CCDC187: variants seen among roughly 807,000 people sequenced by gnomAD.
CCDC187 encodes coiled-coil domain-containing protein 187.
In CCDC187, 32 loss-of-function variants were observed where a neutral mutation model predicts 38.0. The ratio of observed to expected loss-of-function variants is 0.84; its 90% CI spans 0.64 to 1.13. The LOEUF (loss-of-function observed/expected upper bound fraction) is 1.13. Ranked by LOEUF, CCDC187 falls within the 50% of genes most tolerant of loss-of-function variation. The pLI is 0.00. For missense variants in CCDC187, 707 were observed against 786.8 expected (o/e 0.90, Z 1.21); for synonymous variants, 333 against 347.9 (o/e 0.96, Z 0.48).
At chr9:136,266,606 G>C (rs548283209) in intron 16 of CCDC187, 3 of 152,236 alleles carry the variant, frequency 2.0e-5, no homozygotes, top group African/African-American at 7.2e-5. Context: ...CTAGAGGCCC[G>C]GAGATCCGGG....
At chr9:136,284,956 G>A (rs887100246) in intron 9 of CCDC187, among the ~76,000 whole-genome samples, 1 of 152,134 alleles carries the variant, frequency 6.6e-6, no homozygotes, top group African/African-American at 2.4e-5. Flanking sequence ...GCAGGCGCTG[G>A]GGTAGGGCAG....
intron 14 of CCDC187, among the ~76,000 whole-genome samples, chr9:136,274,090 C>G (rs550414142): frequency 6.6e-6 from 1 of 152,156 alleles, no homozygotes; most frequent in Admixed American, 6.5e-5. Flanking sequence ...TGGAGGTGGG[C>G]GTATCAACGG....
upstream of CCDC187, among the ~76,000 whole-genome samples, chr9:136,304,345 A>G (rs969009990): frequency 3.3e-5 from 5 of 152,090 alleles, no homozygotes; most frequent in African/African-American, 1.2e-4. Context: ...GTTAGGTTCA[A>G]TTCAGTCTGA....
At chr9:136,305,549 G>A (rs1476115525), upstream of CCDC187, among the ~76,000 whole-genome samples, 6 of 152,166 alleles carry the variant, frequency 3.9e-5, no homozygotes, top group African/African-American at 9.7e-5. Context: ...CAAATCAGCT[G>A]TGGTCCTGGG....
chr9:136,302,772 C>T (rs1460933042), intron 2 of CCDC187, 40 bp downstream of exon 2: 1 of 399,112 alleles, frequency 2.5e-6, no homozygotes, highest in Non-Finnish European at 4.4e-6. Flanking sequence ...CCGACAGCCT[C>T]GCAGCCCTCC....
chr9:136,271,671 G>A (rs191150707), intron 14 of CCDC187, among the ~76,000 whole-genome samples: 211 of 143,270 alleles, frequency 1.5e-3, no homozygotes, highest in African/African-American at 4.8e-3. Flanking sequence ...GCGGTGGCGC[G>A]ATCTCGGCTC....
At chr9:136,279,961 C>T (rs1831007310) in intron 10 of CCDC187, among the ~76,000 whole-genome samples, 1 of 152,230 alleles carries the variant, frequency 6.6e-6, no homozygotes, top group African/African-American at 2.4e-5. Flanking sequence ...GTTGATGCAG[C>T]AAGAAGGCCC....
chr9:136,298,587 G>A (rs1425680553), intron 3 of CCDC187, among the ~76,000 whole-genome samples: 1 of 152,218 alleles, frequency 6.6e-6, no homozygotes. Context: ...GAGGACCCTG[G>A]CCCAAAGGCG....
At chr9:136,259,681 T>C (rs1469019447) in intron 20 of CCDC187, among the ~76,000 whole-genome samples, 1 of 152,138 alleles carries the variant, frequency 6.6e-6, no homozygotes, top group Non-Finnish European at 1.5e-5. Context: ...AAGCAGCCTC[T>C]GAGACAAGCG....
intron 7 of CCDC187, among the ~76,000 whole-genome samples, chr9:136,288,191 G>A (rs1407586615): frequency 1.1e-4 from 16 of 152,218 alleles, no homozygotes; most frequent in African/African-American, 3.4e-4. Flanking sequence ...CTCACCCAGC[G>A]GCATACTCAG....
At position 136,252,073 on chromosome 9, in the gene CCDC187, G is replaced by A. The variant is rs1485321595; in HGVS notation, c.*1521C>T. On this transcript the variant is annotated 3_prime_UTR_variant, in exon 26 of 26. Coordinates refer to ENST00000638797, the MANE Select transcript of CCDC187 (RefSeq NM_001378188.1). ...GTCCAGGCAACCATCCCGCACAGCC[G>A]GCCGCCCACCCCGTCCACCAGGGGA... 3 of 125,828 alleles carry A rather than the reference G, an allele frequency of 2.4e-5. No individual in the cohort carries two copies. The highest frequency in any genetic ancestry group is 6.1e-5 in the African/African-American group (2 of 32,730). The allele number at this position is 125,828 out of a possible 1,614,324, so 7.8% of individuals were successfully genotyped here.
chr9:136,282,496 G>A (rs1030137332), intron 9 of CCDC187, among the ~76,000 whole-genome samples: 61 of 151,764 alleles, frequency 4.0e-4, no homozygotes, highest in African/African-American at 1.4e-3. Context: ...GCATGTGGGC[G>A]GGGCATGTGC....
In CCDC187 at chr9:136,267,281, G is replaced by A. The variant is rs377015479; in HGVS notation, c.3647+103C>T. The A allele has an allele frequency of 9.8e-4, 814 of 834,596 alleles. 1 individual carries two copies. Among genetic ancestry groups the A allele is most frequent in the South Asian group, 6.2e-3 (115 of 18,428 alleles). The allele number at this position is 834,596 out of a possible 1,614,324, so 51.7% of individuals were successfully genotyped here. A position where few individuals can be genotyped will look rare whatever the true frequency, so the allele number is the denominator to read the frequency against. On this transcript the variant is annotated intron_variant, in intron 16 of 25. Coordinates refer to ENST00000638797, the MANE Select transcript of CCDC187 (RefSeq NM_001378188.1). ...TCAAAACGCTGTCGGGGCCACGGGC[G>A]GGACCCGGACGGGGCAGGGAGGGGG...
chr9:136,270,739 C>T lies in CCDC187; in HGVS notation c.3443-2614G>A, dbSNP rs531093152. Reference sequence around the variant, plus strand: ...CTCCCTTTCATGGTCAGCTAAGTAACGGGTGCCTTCCCAGACACTGGCATT... The same window carrying T: ...CTCCCTTTCATGGTCAGCTAAGTAATGGGTGCCTTCCCAGACACTGGCATT... On this transcript the variant is annotated intron_variant, in intron 14 of 25. Transcript: ENST00000638797. Among the ~76,000 whole-genome samples the T allele has an allele frequency of 8.5e-5, 13 of 152,288 alleles. No individual in the cohort carries two copies. The South Asian group carries it at 1.9e-3, about 22-fold the overall frequency.
At position 136,250,067 on chromosome 9, in the gene CCDC187, G is replaced by C. The variant is rs1311804861; in HGVS notation, c.*3527C>G. On this transcript the variant is annotated 3_prime_UTR_variant, in exon 26 of 26. Transcript: ENST00000638797. ...GAGACCTTGAAGGGGAGGAACCTTG[G>C]ATTACCATCTTGCCCGGTCAATATA... 1.3e-5 allele frequency: 2 copies of C among 152,396 alleles called. No individual in the cohort carries two copies. Among genetic ancestry groups the C allele is most frequent in the East Asian group, 3.9e-4 (2 of 5,182 alleles). The allele number at this position is 152,396 out of a possible 1,614,324, so 9.4% of individuals were successfully genotyped here.
chr9:136,291,022 G>T lies in CCDC187; in HGVS notation c.1591C>A (p.Pro531Thr), dbSNP rs1222252181. The T allele has an allele frequency of 2.5e-6, 1 of 398,812 alleles. No homozygotes were observed. The highest frequency in any genetic ancestry group is 3.6e-5 in the East Asian group (1 of 28,068). 24.7% of individuals were successfully genotyped at this position (398,812 alleles called of 1,614,324 possible). ...PEKRSPFPQQ[P>T]WSAVATQPCP... ...GGCTGTGTGGCTACAGCACTCCAGG[G>T]CTGCTGGGGGAAGGGGCTCCGCTTT... Residue 531 changes from proline (P) to threonine (T), a missense_variant, in exon 6 of 26, where the codon CCC becomes ACC. Transcript: ENST00000638797.
intron 7 of CCDC187, among the ~76,000 whole-genome samples, chr9:136,288,449 G>A (rs896552813): frequency 2.0e-5 from 3 of 152,310 alleles, no homozygotes; most frequent in South Asian, 2.1e-4. Flanking sequence ...AGGGTGGGAC[G>A]CTCTGGTGGG....
rs1257074892 is a variant in CCDC187 at position 136,286,205 on chromosome 9, G to A, written c.2713C>T (p.Gln905Ter). 1.5e-5 allele frequency: 6 copies of A among 398,498 alleles called. No homozygotes were observed. The highest frequency in any genetic ancestry group is 2.7e-5 in the Non-Finnish European group (6 of 226,040). 24.7% of individuals were successfully genotyped at this position (398,498 alleles called of 1,614,324 possible). Residue 905 changes from glutamine to a stop codon, truncating the protein, a stop_gained, in exon 8 of 26, where the codon CAG becomes TAG. Coordinates refer to ENST00000638797, the MANE Select transcript of CCDC187 (RefSeq NM_001378188.1). LOFTEE classifies it high-confidence loss of function. ...GTCGGGGGCAGAAGGGGCTGGGGCT[G>A]CATGCTCACCCACTCCCCAGGTGCC... ...RGAPGEWVSM[Q>*]PQPLLPPTYF...
rs1180389285 is a variant in CCDC187 at position 136,260,155 on chromosome 9, C to T, written c.4174G>A (p.Gly1392Ser). 3.0e-6 allele frequency: 3 copies of T among 985,310 alleles called. No homozygotes were observed. Among genetic ancestry groups the T allele is most frequent in the African/African-American group, 1.7e-5 (1 of 57,182 alleles). The allele number at this position is 985,310 out of a possible 1,614,324, so 61.0% of individuals were successfully genotyped here. ...AWGEDTHDPQ[G>S]PLVESGSHVS... ...TGGCTGCCACTCTCCACCAGCGGGC[C>T]CTGGGGGTCGTGTGTGTCCTCGCCC... Residue 1392 changes from glycine to serine, a missense_variant, in exon 20 of 26, where the codon GGC (glycine) becomes AGC (serine). Transcript: ENST00000638797.
Sources: gnomAD v4.1 joint callset for allele counts (sites outside exome capture counted in the v4.1 genomes callset) on GRCh38, gnomAD v4.1.1 for gene constraint, MANE v1.5 for transcripts, NCBI Gene and HGNC (gene_info 2026-07-23, HGNC 2026-07-21) for gene names.